The following PKM variants were observed in gnomAD, a reference collection of about 807,000 sequenced individuals.
PKM encodes pyruvate kinase PKM.
Under a neutral mutation model 49.8 loss-of-function variants are expected in PKM, and 18 were observed. The ratio of observed to expected loss-of-function variants is 0.36; its 90% CI spans 0.25 to 0.54. The LOEUF is 0.54. Among genes scored for constraint, PKM ranks in the 20% least tolerant of loss-of-function variants. The pLI, the probability that PKM is intolerant of heterozygous loss-of-function variation, is 0.89. For synonymous variants in PKM, 239 were observed against 261.8 expected, an observed-to-expected ratio of 0.91 and a Z score of 0.84; for missense variants, 508 against 713.8, an observed-to-expected ratio of 0.71 and a Z score of 3.28.
At chr15:72,230,127 G>A (rs2082810715) in intron 1 of PKM, among the ~76,000 whole-genome samples, 1 of 152,238 alleles carries the variant, frequency 6.6e-6, no homozygotes, top group South Asian at 2.1e-4. Context: ...GTCCCTGGCG[G>A]CCACCCGGCA....
At chr15:72,211,846 C>T (rs1036608623) in intron 3 of PKM, among the ~76,000 whole-genome samples, 4 of 151,514 alleles carry the variant, frequency 2.6e-5, no homozygotes, top group Non-Finnish European at 5.9e-5. Flanking sequence ...GCCAAGATGT[C>T]AAAAGAGCTC....
rs770590203 is a variant in PKM, at chr15:72,202,343, T to A, written c.1307+111A>T. 43 of 1,132,244 alleles carry A rather than the reference T, an allele frequency of 3.8e-5. No homozygotes were observed. Among genetic ancestry groups the A allele is most frequent in the Middle Eastern group, 5.5e-4 (2 of 3,628 alleles). The allele number at this position is 1,132,244 out of a possible 1,614,324, so 70.1% of individuals were successfully genotyped here. A position where few individuals can be genotyped will look rare whatever the true frequency, so the allele number is the denominator to read the frequency against. On this transcript the variant is annotated intron_variant, in intron 9 of 10. Coordinates refer to ENST00000335181, the MANE Select transcript of PKM (RefSeq NM_002654.6). This position sits in a 1 kb window ranked among gnomAD's most constrained non-coding sequence, Gnocchi z 4.5. Reference sequence around the variant, plus strand: ...AGGCCCAAGGTGGCAGGCAGAGGGGTCTTACCTTGGCTCAGTGCCACCTGA... The same window carrying A: ...AGGCCCAAGGTGGCAGGCAGAGGGGACTTACCTTGGCTCAGTGCCACCTGA...
At chr15:72,225,088 A>ATTTTTTTTTT (rs59687887) in intron 1 of PKM, among the ~76,000 whole-genome samples, 15 of 116,640 alleles carry the variant, frequency 1.3e-4, no homozygotes, top group Non-Finnish European at 1.6e-4. Flanking sequence ...GGCCCGGCTA[A>ATTTTTTTTTT]TTTTTTTTTT....
At chr15:72,213,984 A>G (rs1447390941) in intron 3 of PKM, among the ~76,000 whole-genome samples, 1 of 152,228 alleles carries the variant, frequency 6.6e-6, no homozygotes, top group Non-Finnish European at 1.5e-5. Context: ...ACAAAGAATC[A>G]GCTCTTAGCT....
chr15:72,227,200 G>A (rs142470886), intron 1 of PKM, among the ~76,000 whole-genome samples: 34 of 152,326 alleles, frequency 2.2e-4, no homozygotes, highest in Admixed American at 4.6e-4. Flanking sequence ...CAGAACTGAT[G>A]CTTAAAGGGA....
intron 4 of PKM, 174 bp downstream of exon 4, chr15:72,210,173 T>G: frequency 1.3e-6 from 1 of 797,710 alleles, no homozygotes; most frequent in Non-Finnish European, 2.0e-6. Context: ...CCTAGCAAAG[T>G]AGATCAAATC....
At chr15:72,230,744 G>A (rs1596822174) in intron 1 of PKM, among the ~76,000 whole-genome samples, 2 of 152,120 alleles carry the variant, frequency 1.3e-5, no homozygotes, top group African/African-American at 4.8e-5. Flanking sequence ...CGGAACAGGC[G>A]GCGCGGAGAA....
chr15:72,205,135 C>A (rs1282793216), intron 8 of PKM, among the ~76,000 whole-genome samples: 2 of 150,916 alleles, frequency 1.3e-5, no homozygotes, highest in African/African-American at 4.9e-5. Flanking sequence ...TGTTTGGTTT[C>A]TTTTTTGAGA....
At chr15:72,230,518 G>A (rs892821797) in intron 1 of PKM, among the ~76,000 whole-genome samples, 14 of 152,288 alleles carry the variant, frequency 9.2e-5, no homozygotes, top group African/African-American at 3.1e-4. Flanking sequence ...GGGATGCGGG[G>A]GAGCGGACGT....
At chr15:72,226,256 G>A (rs1376441868) in intron 1 of PKM, among the ~76,000 whole-genome samples, 2 of 152,174 alleles carry the variant, frequency 1.3e-5, no homozygotes, top group African/African-American at 2.4e-5. Context: ...GGCCAGGCGC[G>A]GTGGCTGATG....
At chr15:72,201,452 A>T (rs2081943033) in intron 9 of PKM, 1 of 152,342 alleles carries the variant, frequency 6.6e-6, no homozygotes, top group Non-Finnish European at 1.5e-5. Flanking sequence ...AGTTATGAGG[A>T]CACTCAACAG....
At chr15:72,212,482 A>G (rs1412561126) in intron 3 of PKM, among the ~76,000 whole-genome samples, 2 of 144,000 alleles carry the variant, frequency 1.4e-5, no homozygotes, top group Non-Finnish European at 3.1e-5. Flanking sequence ...CCGTCTCTAA[A>G]AGAAAAAAAA....
At chr15:72,206,486 A>C (rs760875383) in intron 8 of PKM, 19 of 562,402 alleles carry the variant, frequency 3.4e-5, no homozygotes, top group Non-Finnish European at 5.4e-5. Flanking sequence ...GTGTCCAATG[A>C]AGGAGGATGC....
At chr15:72,225,949 G>A (rs2082656215) in intron 1 of PKM, among the ~76,000 whole-genome samples, 1 of 152,294 alleles carries the variant, frequency 6.6e-6, no homozygotes, top group African/African-American at 2.4e-5. Flanking sequence ...ATCAATGAAC[G>A]CTGAGTTGCT....
In PKM at chr15:72,208,963, C is replaced by T. The variant is rs539482793; in HGVS notation, c.566-72G>A. 2.3e-4 allele frequency: 347 copies of T among 1,507,852 alleles called. 1 individual carries two copies. The Middle Eastern group carries it at 3.2e-3, about 14-fold the overall frequency. 93.4% of individuals were successfully genotyped at this position (1,507,852 alleles called of 1,614,324 possible). ...GTCAACAGGAAGCAGGCACCTTTCC[C>T]GCAAGGACAGTGAGCTGGGAAGTGG... On this transcript the variant is annotated intron_variant, in intron 5 of 10. Coordinates refer to ENST00000335181, the MANE Select transcript of PKM (RefSeq NM_002654.6).
chr15:72,206,103 C>A (rs553879783), intron 8 of PKM, among the ~76,000 whole-genome samples: 1 of 152,234 alleles, frequency 6.6e-6, no homozygotes, highest in Non-Finnish European at 1.5e-5. Flanking sequence ...TCACTCAACC[C>A]GACTTTTTGG....
At chr15:72,216,228 C>T (rs2082373444) in intron 3 of PKM, among the ~76,000 whole-genome samples, 2 of 152,244 alleles carry the variant, frequency 1.3e-5, no homozygotes, top group African/African-American at 4.8e-5. Context: ...ACAGGAAATA[C>T]AGAAGCCAAG....
chr15:72,229,790 C>T, intron 1 of PKM: 2 of 842,872 alleles, frequency 2.4e-6, no homozygotes, highest in Non-Finnish European at 3.0e-6. Flanking sequence ...TTGACCCACA[C>T]CGTTTGCGTT....
In PKM at chr15:72,207,008, G is replaced by A. The variant is rs1034663548; in HGVS notation, c.987+119C>T. 72 of 1,476,036 alleles carry A rather than the reference G, an allele frequency of 4.9e-5. 1 individual carries two copies. The highest frequency in any genetic ancestry group is 6.1e-5 in the Non-Finnish European group (65 of 1,057,904). The allele number at this position is 1,476,036 out of a possible 1,614,324, so 91.4% of individuals were successfully genotyped here. A position where few individuals can be genotyped will look rare whatever the true frequency, so the allele number is the denominator to read the frequency against. ...GCTTTGTGTAGGTACATGGGGGAAG[G>A]GGATTATCTGTGTGTTACGTGCGAC... On this transcript the variant is annotated intron_variant, in intron 7 of 10. Coordinates refer to ENST00000335181, the MANE Select transcript of PKM (RefSeq NM_002654.6).
Sources: allele counts gnomAD v4.1 joint callset (sites outside exome capture counted in the v4.1 genomes callset), GRCh38; gene constraint gnomAD v4.1.1; non-coding constraint Gnocchi (gnomAD v3.1); transcripts MANE v1.5; gene names NCBI Gene and HGNC (gene_info 2026-07-23, HGNC 2026-07-21).